Variants in HDAC8 observed in about 807,000 individuals in gnomAD.
The protein encoded by HDAC8 is histone deacetylase-like 1.
In HDAC8, 1 loss-of-function variant was observed where a neutral mutation model predicts 32.2. The observed-to-expected ratio is 0.03, with a 90% CI of 0.01 to 0.15. HDAC8 has a LOEUF of 0.15. HDAC8 is among the 10% of genes least tolerant of loss of function. HDAC8 has a pLI of 1.00. For synonymous variants in HDAC8, 108 were observed against 113.9 expected (o/e 0.95, Z 0.33); for missense variants, 117 against 300.0 (o/e 0.39, Z 4.51).
intron 9 of HDAC8, among the ~76,000 whole-genome samples, chrX:72,437,039 G>C (rs782188143): frequency 4.5e-5 from 5 of 112,037 alleles, no homozygotes; most frequent in Non-Finnish European, 9.4e-5. Flanking sequence ...GAGGGAACAG[G>C]TAGCTGGCAA....
At chrX:72,470,165 C>T (rs2048128976) in intron 7 of HDAC8, among the ~76,000 whole-genome samples, 1 of 103,547 alleles carries the variant, frequency 9.7e-6, no homozygotes, top group African/African-American at 3.9e-5. Flanking sequence ...TACATACATA[C>T]ATACATACAT....
intron 9 of HDAC8, among the ~76,000 whole-genome samples, chrX:72,422,513 A>G (rs782306738): frequency 9.0e-6 from 1 of 111,404 alleles, no homozygotes; most frequent in African/African-American, 3.3e-5. Context: ...CACCTCTCCC[A>G]GTCTTTAAGG....
chrX:72,369,369 G>A (rs1555955623), intron 9 of HDAC8, among the ~76,000 whole-genome samples: 1 of 111,556 alleles, frequency 9.0e-6, no homozygotes, highest in Admixed American at 9.5e-5. Flanking sequence ...TATCATATAG[G>A]GAGAATAATG....
intron 9 of HDAC8, among the ~76,000 whole-genome samples, chrX:72,441,776 A>G (rs371807659): frequency 8.9e-6 from 1 of 111,732 alleles, no homozygotes; most frequent in East Asian, 2.8e-4. Flanking sequence ...CAAAGAAGTT[A>G]AAAACTTTGA....
chrX:72,463,044 C>T (rs16991554), intron 8 of HDAC8, among the ~76,000 whole-genome samples: 1,909 of 111,482 alleles, frequency 0.017, 42 homozygotes, highest in African/African-American at 0.057. Context: ...TGAAAGGTCA[C>T]GGATGCTTTG....
chrX:72,420,912 G>T (rs2046469436), intron 9 of HDAC8, among the ~76,000 whole-genome samples: 1 of 110,165 alleles, frequency 9.1e-6, no homozygotes, highest in Non-Finnish European at 1.9e-5. Flanking sequence ...AATTCATTCT[G>T]CCAATCTCTG....
At chrX:72,553,089 G>C (rs1215890650) in intron 4 of HDAC8, among the ~76,000 whole-genome samples, 1 of 110,942 alleles carries the variant, frequency 9.0e-6, no homozygotes, top group Non-Finnish European at 1.9e-5. Context: ...CTGTCGCCCA[G>C]GCTGGAGTGC....
At chrX:72,388,197 T>C (rs782212489) in intron 9 of HDAC8, among the ~76,000 whole-genome samples, 1 of 110,752 alleles carries the variant, frequency 9.0e-6, no homozygotes, top group African/African-American at 3.3e-5. Flanking sequence ...TTATAAGTTC[T>C]GGGAGGGTGT....
intron 7 of HDAC8, among the ~76,000 whole-genome samples, chrX:72,476,941 ACCTGTTC>A (rs1345017670): frequency 8.9e-6 from 1 of 111,860 alleles, no homozygotes; most frequent in Non-Finnish European, 1.9e-5. Context: ...GCCCGGTTAT[ACCTGTTC>A]TGGGAATACA....
rs182148745 is a variant in HDAC8, at chrX:72,571,343, A to G, written c.164+714T>C. 1.4e-4 allele frequency among the ~76,000 whole-genome samples: 15 copies of G among 110,688 alleles called. No individual in the cohort carries two copies. In the East Asian group the frequency reaches 4.3e-3, roughly 31 times the overall value. ...ATCTGGCTTAGAATGAAACGAAATC[A>G]AAAGAAAAATGGAACACCTCCTAGC... On this transcript the variant is annotated intron_variant, in intron 2 of 10. Coordinates refer to ENST00000373573, the MANE Select transcript of HDAC8 (RefSeq NM_018486.3).
In HDAC8 at chrX:72,440,726, G is replaced by A. The variant is rs782664160; in HGVS notation, c.1005+21278C>T. Among the ~76,000 whole-genome samples, 10 of 112,132 alleles carry A rather than the reference G, an allele frequency of 8.9e-5. No homozygotes were observed. The East Asian group carries it at 2.0e-3, about 22-fold the overall frequency. ...CACTGTGCGTGAGCCGAAGCAGGGC[G>A]AGGCATTGCCTCACTTGGGAAGCAC... On this transcript the variant is annotated intron_variant, in intron 9 of 10. Coordinates refer to ENST00000373573, the MANE Select transcript of HDAC8 (RefSeq NM_018486.3).
intron 9 of HDAC8, among the ~76,000 whole-genome samples, chrX:72,443,728 A>G (rs1346921364): frequency 9.2e-6 from 1 of 108,117 alleles, no homozygotes; most frequent in Non-Finnish European, 1.9e-5. Context: ...AACCCTTCAA[A>G]AAATTAATGA....
At chrX:72,529,535 T>G (rs2050262564) in intron 4 of HDAC8, among the ~76,000 whole-genome samples, 1 of 112,085 alleles carries the variant, frequency 8.9e-6, no homozygotes, top group African/African-American at 3.2e-5. Flanking sequence ...AATGTAGCCC[T>G]GCCCATACCT....
At chrX:72,441,098 C>T (rs782817487) in intron 9 of HDAC8, among the ~76,000 whole-genome samples, 5 of 113,015 alleles carry the variant, frequency 4.4e-5, no homozygotes, top group Middle Eastern at 4.6e-3. Context: ...GCTCCACCTC[C>T]GGGGGCAGGG....
At chrX:72,565,629 G>A (rs1236157086) in intron 4 of HDAC8, among the ~76,000 whole-genome samples, 1 of 112,011 alleles carries the variant, frequency 8.9e-6, no homozygotes, top group Non-Finnish European at 1.9e-5. Flanking sequence ...CCAGGCCCTA[G>A]TAGGCCTTCT....
At chrX:72,535,385 T>A (rs1309470309) in intron 4 of HDAC8, among the ~76,000 whole-genome samples, 2 of 111,516 alleles carry the variant, frequency 1.8e-5, no homozygotes, top group African/African-American at 6.5e-5. Flanking sequence ...GTTCTTTCTC[T>A]TTTTGTATCT....
intron 4 of HDAC8, among the ~76,000 whole-genome samples, chrX:72,525,157 T>C (rs782230940): frequency 1.2e-4 from 14 of 112,550 alleles, no homozygotes; most frequent in Non-Finnish European, 2.1e-4. Context: ...ATTATACCTA[T>C]ATCTATCTTT....
chrX:72,566,354 AG>A (rs1556133999), intron 4 of HDAC8, among the ~76,000 whole-genome samples: 1 of 112,294 alleles, frequency 8.9e-6, no homozygotes, highest in East Asian at 2.8e-4. Context: ...AAAAGCAAGC[AG>A]GCAAGCAAGC....
At chrX:72,339,255 T>G (rs1487489185) in intron 10 of HDAC8, among the ~76,000 whole-genome samples, 1 of 112,378 alleles carries the variant, frequency 8.9e-6, no homozygotes, top group East Asian at 2.8e-4. Context: ...TCTGTCCATT[T>G]ATTGCCTAAG....
Sources: allele counts gnomAD v4.1 joint callset (sites outside exome capture counted in the v4.1 genomes callset), GRCh38; gene constraint gnomAD v4.1.1; transcripts MANE v1.5; gene names NCBI Gene and HGNC (gene_info 2026-07-23, HGNC 2026-07-21).